The following TMOD1 variants were observed in gnomAD, a reference collection of about 807,000 sequenced individuals.
TMOD1 encodes tropomodulin 1.
A neutral mutation model predicts 40.6 loss-of-function variants in TMOD1; 17 were observed. The ratio of observed to expected loss-of-function variants is 0.42; its 90% CI spans 0.29 to 0.63. The LOEUF is 0.63. Among genes scored for constraint, TMOD1 ranks in the 20% least tolerant of loss-of-function variants. The probability of loss-of-function intolerance (pLI) is 0.22; values close to 1 mark genes in which losing one functional copy is unlikely to be tolerated. For synonymous variants in TMOD1, 181 were observed against 175.0 expected, an observed-to-expected ratio of 1.03 and a Z score of -0.27; for missense variants, 391 against 447.6, an observed-to-expected ratio of 0.87 and a Z score of 1.14.
intron 2 of TMOD1, among the ~76,000 whole-genome samples, chr9:97,528,537 A>G (rs1383643471): frequency 6.6e-6 from 1 of 152,174 alleles, no homozygotes; most frequent in African/African-American, 2.4e-5. Flanking sequence ...CAGCTCTGTT[A>G]CCTGATTTGC....
intron 1 of TMOD1, among the ~76,000 whole-genome samples, chr9:97,522,792 G>A (rs1333006944): frequency 2.6e-5 from 4 of 151,988 alleles, no homozygotes; most frequent in African/African-American, 7.3e-5. Context: ...CAAACTCCTG[G>A]GCTCAAGCAA....
intron 1 of TMOD1, among the ~76,000 whole-genome samples, chr9:97,514,636 C>T (rs919376169): frequency 2.6e-5 from 4 of 152,132 alleles, no homozygotes; most frequent in African/African-American, 4.8e-5. Flanking sequence ...CCAGTGAGGC[C>T]GCCTGGTGTA....
chr9:97,584,226 A>T (rs1487308849), intron 8 of TMOD1, among the ~76,000 whole-genome samples: 3 of 152,230 alleles, frequency 2.0e-5, no homozygotes, highest in Admixed American at 2.0e-4. Context: ...GTTTCAAAGA[A>T]CAACTTTATT....
intron 1 of TMOD1, among the ~76,000 whole-genome samples, chr9:97,508,579 G>A (rs2131206050): frequency 6.6e-6 from 1 of 152,350 alleles, no homozygotes; most frequent in Non-Finnish European, 1.5e-5. Context: ...AAATGCTTAA[G>A]ACGTGCCTGG....
chr9:97,540,469 C>T (rs1830260753), intron 2 of TMOD1, among the ~76,000 whole-genome samples: 1 of 152,182 alleles, frequency 6.6e-6, no homozygotes, highest in South Asian at 2.1e-4. Flanking sequence ...GATCTCCTTA[C>T]AGGCCCTGTC....
intron 9 of TMOD1, among the ~76,000 whole-genome samples, chr9:97,593,651 C>G (rs1826044648): frequency 6.6e-6 from 1 of 152,026 alleles, no homozygotes; most frequent in East Asian, 1.9e-4. Flanking sequence ...CCTAAAAATT[C>G]AAGAATGCCT....
chr9:97,562,937 C>T (rs1348751338), intron 5 of TMOD1, 116 bp downstream of exon 5: 1 of 764,984 alleles, frequency 1.3e-6, no homozygotes, highest in African/African-American at 1.9e-5. Context: ...TCTGTTCATC[C>T]TTTCCTTTGA....
chr9:97,509,838 T>C (rs1829666859), intron 1 of TMOD1, among the ~76,000 whole-genome samples: 1 of 152,202 alleles, frequency 6.6e-6, no homozygotes, highest in Non-Finnish European at 1.5e-5. Context: ...AGAACTGATA[T>C]CTCCTTCCAC....
chr9:97,520,495 T>G (rs1829897689), intron 1 of TMOD1, among the ~76,000 whole-genome samples: 1 of 152,180 alleles, frequency 6.6e-6, no homozygotes, highest in African/African-American at 2.4e-5. Context: ...CACAGGAGAA[T>G]ACTGCTTCGT....
At chr9:97,585,100 T>C (rs1444037352) in intron 8 of TMOD1, among the ~76,000 whole-genome samples, 2 of 152,162 alleles carry the variant, frequency 1.3e-5, no homozygotes, top group South Asian at 2.1e-4. Flanking sequence ...TTCCTAGTCT[T>C]GATGGTCTTT....
rs575627465 is a variant in TMOD1 at position 97,601,467 on chromosome 9, TG to T, written c.*1773del. On this transcript the variant is annotated 3_prime_UTR_variant, in exon 10 of 10. Coordinates refer to ENST00000259365, the MANE Select transcript of TMOD1 (RefSeq NM_003275.4). ...ATTTAAAAGCTCAGAGAGTAAGTGC[TG>T]GGGAAAGCAGAGCTATCAGAGGAAA... 2,504 of 1,002,766 alleles carry T rather than the reference TG, an allele frequency of 2.5e-3. 3 individuals are homozygous for T. Among genetic ancestry groups the T allele is most frequent in the Non-Finnish European group, 2.8e-3 (2,376 of 840,134 alleles). The allele number at this position is 1,002,766 out of a possible 1,614,324, so 62.1% of individuals were successfully genotyped here.
intron 3 of TMOD1, among the ~76,000 whole-genome samples, chr9:97,551,816 G>T (rs1472406589): frequency 3.3e-5 from 5 of 152,110 alleles, no homozygotes; most frequent in Non-Finnish European, 1.5e-5. Context: ...TCCAATCCAA[G>T]AACTTAAAAT....
chr9:97,529,065 C>A (rs945120337), intron 2 of TMOD1, among the ~76,000 whole-genome samples: 3 of 152,232 alleles, frequency 2.0e-5, no homozygotes, highest in Non-Finnish European at 4.4e-5. Context: ...AGAGCCACTG[C>A]GTGTGGGTCT....
intron 4 of TMOD1, chr9:97,555,391 A>G: frequency 7.6e-7 from 1 of 1,316,316 alleles, no homozygotes; most frequent in Non-Finnish European, 9.7e-7. Context: ...CTCATTAGGC[A>G]GCTCAAAGGG....
At chr9:97,514,741 C>G (rs779572457) in intron 1 of TMOD1, among the ~76,000 whole-genome samples, 12 of 152,190 alleles carry the variant, frequency 7.9e-5, no homozygotes, top group Non-Finnish European at 1.8e-4. Flanking sequence ...TTGGGAATTG[C>G]CCATGATATT....
chr9:97,568,867 T>G lies in TMOD1; in HGVS notation c.727-27T>G, dbSNP rs181772085. 1,185 of 1,611,768 alleles carry G rather than the reference T, an allele frequency of 7.4e-4. 11 individuals carry two copies. The highest frequency in any genetic ancestry group is 8.7e-5 in the Non-Finnish European group (103 of 1,178,150). ...AGCCTTGCTCGGGGTGACTCATGGG[T>G]ATCCTTGCTTTCTCTTGTGCTTCAA... On this transcript the variant is annotated intron_variant, in intron 7 of 9. Coordinates refer to ENST00000259365, the MANE Select transcript of TMOD1 (RefSeq NM_003275.4).
intron 8 of TMOD1, among the ~76,000 whole-genome samples, chr9:97,590,693 A>G (rs1825982862): frequency 6.6e-6 from 1 of 151,712 alleles, no homozygotes; most frequent in South Asian, 2.1e-4. Context: ...GCAGGGAACC[A>G]TTAATAATAT....
At chr9:97,552,564 G>A (rs1222844625) in intron 3 of TMOD1, among the ~76,000 whole-genome samples, 1 of 152,194 alleles carries the variant, frequency 6.6e-6, no homozygotes, top group South Asian at 2.1e-4. Context: ...AAATGTTGTT[G>A]AGTAAATAAA....
At chr9:97,531,030 C>CAT (rs1830091877) in intron 2 of TMOD1, among the ~76,000 whole-genome samples, 2 of 93,890 alleles carry the variant, frequency 2.1e-5, no homozygotes, top group South Asian at 7.9e-4. Context: ...TTAGGTGATC[C>CAT]ACACCCACCC....
Sources: allele counts gnomAD v4.1 joint callset (sites outside exome capture counted in the v4.1 genomes callset), GRCh38; gene constraint gnomAD v4.1.1; transcripts MANE v1.5; gene names NCBI Gene and HGNC (gene_info 2026-07-23, HGNC 2026-07-21).